The following BCOR variants were observed in gnomAD, a reference collection of about 807,000 sequenced individuals.
BCOR encodes the protein BCL-6 corepressor.
A neutral mutation model predicts 86.7 loss-of-function variants in BCOR; 10 were observed. The ratio of observed to expected loss-of-function variants is 0.12; its 90% confidence interval spans 0.07 to 0.20. The LOEUF is 0.20. BCOR is among the 10% of genes least tolerant of loss of function. BCOR has a pLI of 1.00. For missense variants in BCOR, 1,259 were observed against 1,452.1 expected (o/e 0.87, Z 2.16); for synonymous variants, 611 against 609.0 (o/e 1.00, Z -0.05).
chrX:40,113,279 C>T (rs747219354), intron 1 of BCOR, among the ~76,000 whole-genome samples: 5 of 106,944 alleles, frequency 4.7e-5, no homozygotes, highest in East Asian at 2.9e-4. Context: ...TGGTGGTGCA[C>T]GCCTGTAGTC....
intron 1 of BCOR, among the ~76,000 whole-genome samples, chrX:40,106,119 C>A (rs1044850275): frequency 8.9e-6 from 1 of 111,840 alleles, no homozygotes; most frequent in Non-Finnish European, 1.9e-5. Context: ...AATGGACGCT[C>A]CCCGTCTCCT....
At chrX:40,153,200 T>G (rs1938207310) in intron 1 of BCOR, among the ~76,000 whole-genome samples, 1 of 112,647 alleles carries the variant, frequency 8.9e-6, no homozygotes, top group South Asian at 3.6e-4. Context: ...CACTAGAGCT[T>G]TCTGCACACC....
rs188094917 is a variant in BCOR at position 40,081,143 on chromosome X, A to G, written c.-40-3174T>C. On this transcript the variant is annotated intron_variant, in intron 1 of 14. Transcript: ENST00000378444. Reference sequence around the variant, plus strand: ...TTTTAACTCTTCGGGTTCCTGGCCAAAGATGGAGAGGAGTGGAAAGGGCCA... The same window carrying G: ...TTTTAACTCTTCGGGTTCCTGGCCAGAGATGGAGAGGAGTGGAAAGGGCCA... 8.5e-4 allele frequency among the ~76,000 whole-genome samples: 95 copies of G among 111,681 alleles called. 1 individual carries two copies. Among genetic ancestry groups the G allele is most frequent in the African/African-American group, 3.0e-3 (91 of 30,743 alleles).
chrX:40,122,905 G>T (rs1457073327), intron 1 of BCOR, among the ~76,000 whole-genome samples: 1 of 111,749 alleles, frequency 8.9e-6, no homozygotes, highest in Non-Finnish European at 1.9e-5. Context: ...GCATCACACT[G>T]TCGCTACCCA....
chrX:40,071,564 T>C, intron 5 of BCOR, 73 bp downstream of exon 5: 2 of 782,880 alleles, frequency 2.6e-6, no homozygotes, highest in Middle Eastern at 2.8e-4. Context: ...AACTTCCCTT[T>C]GTATATTTGG....
In BCOR at chrX:40,073,007, G is replaced by A. The variant is rs2147218527; in HGVS notation, c.2339C>T (p.Pro780Leu). 1 of 1,212,089 alleles carries A rather than the reference G, an allele frequency of 8.3e-7. No homozygotes were observed. Among genetic ancestry groups the A allele is most frequent in the Non-Finnish European group, 1.1e-6 (1 of 895,566 alleles). The change falls in exon 4 of 15, where the codon CCC (proline) becomes CTC (leucine). Residue 780 changes from proline to leucine, a missense_variant. This residue lies in a region of BCOR where 534 missense variants were observed against 594.8 expected (regional missense o/e 0.90). Transcript: ENST00000378444. The part of the protein sequence containing the change: ...TSSTKLHPDV[P>L]TDKNLKPNPN... ...GTTCGGCTTTAGGTTCTTGTCGGTGGGGACATCTGGATGTAACTTGGTGCT... is the reference window on the plus strand; with the variant it reads ...GTTCGGCTTTAGGTTCTTGTCGGTGAGGACATCTGGATGTAACTTGGTGCT...
At chrX:40,086,565 C>T (rs754239224) in intron 1 of BCOR, among the ~76,000 whole-genome samples, 1 of 113,323 alleles carries the variant, frequency 8.8e-6, no homozygotes, top group African/African-American at 3.2e-5. Flanking sequence ...GGATGGAGGG[C>T]GGGTGTGCCG....
chrX:40,077,208 G>A (rs750283659), intron 2 of BCOR: 2 of 139,896 alleles, frequency 1.4e-5, no homozygotes, highest in South Asian at 3.4e-4. Context: ...AGAGAGCATC[G>A]ATAAAGAAAG....
intron 1 of BCOR, among the ~76,000 whole-genome samples, chrX:40,166,169 A>T (rs1173549746): frequency 9.0e-6 from 1 of 111,685 alleles, no homozygotes; most frequent in Non-Finnish European, 1.9e-5. Context: ...GTGATCTCCC[A>T]TCTTGATTAC....
At chrX:40,086,650 A>G (rs1443149266) in intron 1 of BCOR, among the ~76,000 whole-genome samples, 1 of 113,963 alleles carries the variant, frequency 8.8e-6, no homozygotes, top group Non-Finnish European at 1.9e-5. Context: ...ATGGGCCTGC[A>G]TAGTGCGCGC....
Position 40,074,851 on chromosome X carries a change from C to T in BCOR, c.495G>A (p.Ala165=), listed in dbSNP as rs1310534537. The part of the protein sequence containing the change: ...IQKSAVATAE[A]LGLDRPASDK... The stretch of plus-strand genomic sequence containing the variant: ...CGCTGGCAGGCCTGTCCAAGCCCAG[C>T]GCTTCTGCTGTGGCTACAGCACTTT... Residue 165 remains alanine, a synonymous_variant, in exon 4 of 15, where the codon GCG becomes GCA. Coordinates refer to ENST00000378444, the MANE Select transcript of BCOR (RefSeq NM_001123385.2). 2.5e-6 allele frequency: 3 copies of T among 1,211,434 alleles called. No individual in the cohort carries two copies. Among genetic ancestry groups the T allele is most frequent in the South Asian group, 1.8e-5 (1 of 56,953 alleles).
chrX:40,126,276 C>T (rs1284092042), intron 1 of BCOR, among the ~76,000 whole-genome samples: 2 of 108,359 alleles, frequency 1.8e-5, no homozygotes, highest in Non-Finnish European at 3.8e-5. Flanking sequence ...GTAATCCCAG[C>T]AGTTTGGGAG....
At chrX:40,145,929 A>G (rs1260148000) in intron 1 of BCOR, among the ~76,000 whole-genome samples, 1 of 111,604 alleles carries the variant, frequency 9.0e-6, no homozygotes, top group African/African-American at 3.3e-5. Flanking sequence ...TTGCCCGGCT[A>G]TGCTCAAGTT....
chrX:40,096,073 G>A (rs1287784755), intron 1 of BCOR, among the ~76,000 whole-genome samples: 4 of 112,438 alleles, frequency 3.6e-5, no homozygotes, highest in Non-Finnish European at 5.7e-5. Flanking sequence ...CGGCGCAGCC[G>A]CCCGCCGGCT....
rs535657379 is a variant in BCOR at position 40,058,014 on chromosome X, G to A, written c.4429-693C>T. Among the ~76,000 whole-genome samples the A allele has an allele frequency of 1.7e-4, 19 of 111,371 alleles. 1 individual carries two copies. The South Asian group carries it at 6.1e-3, about 36-fold the overall frequency. On this transcript the variant is annotated intron_variant, in intron 10 of 14. Transcript: ENST00000378444. ...CTACCTTCTTTTTGCTTCACTCTCC[G>A]CCCCACTTGGGGCTGAATCAATATA...
At position 40,094,423 on chromosome X, in the gene BCOR, G is replaced by A. The variant is rs768977145; in HGVS notation, c.-41+2792C>T. ...GACGGTGCCTGCGGGGTGGGGGTAG[G>A]GGGCCCACAGGCACTGGCCGCTCCG... is the stretch of plus-strand genomic sequence containing the variant. On this transcript the variant is annotated intron_variant, in intron 1 of 14. Transcript: ENST00000378444. Among the ~76,000 whole-genome samples the A allele has an allele frequency of 1.6e-3, 181 of 112,945 alleles. 1 individual carries two copies. Among genetic ancestry groups the A allele is most frequent in the Admixed American group, 3.9e-3 (42 of 10,848 alleles).
intron 1 of BCOR, among the ~76,000 whole-genome samples, chrX:40,149,084 G>T (rs1446784447): frequency 9.2e-6 from 1 of 108,826 alleles, no homozygotes; most frequent in African/African-American, 3.4e-5. Flanking sequence ...CCACCAGCCT[G>T]CCTGGGGGGA....
chrX:40,083,795 G>A (rs1028531882), intron 1 of BCOR, among the ~76,000 whole-genome samples: 1 of 112,067 alleles, frequency 8.9e-6, no homozygotes, highest in Non-Finnish European at 1.9e-5. Flanking sequence ...GGCCTTCCAG[G>A]AACTCCAGCA....
chrX:40,115,860 C>T (rs1409986540), intron 1 of BCOR, among the ~76,000 whole-genome samples: 1 of 110,984 alleles, frequency 9.0e-6, no homozygotes, highest in Non-Finnish European at 1.9e-5. Context: ...TTGAAAAATA[C>T]CTGTACCTCC....
Sources: allele counts gnomAD v4.1 joint callset (sites outside exome capture counted in the v4.1 genomes callset), GRCh38; gene constraint gnomAD v4.1.1; regional missense constraint gnomAD v4.1.1; transcripts MANE v1.5; gene names NCBI Gene and HGNC (gene_info 2026-07-23, HGNC 2026-07-21).